CRHR1: variants seen among roughly 807,000 people sequenced by gnomAD.
The protein encoded by CRHR1 is corticotropin-releasing hormone receptor 1.
CRHR1 carries 28 observed loss-of-function variants against 56.0 expected under a neutral mutation model. The observed-to-expected ratio is 0.50, with a 90% CI of 0.37 to 0.69. The LOEUF (loss-of-function observed/expected upper bound fraction) is 0.69. Among genes scored for constraint, CRHR1 ranks in the 30% least tolerant of loss-of-function variants. CRHR1 has a pLI of 0.00. For synonymous variants in CRHR1, 195 were observed against 216.5 expected (o/e 0.90, Z 0.87); for missense variants, 376 against 548.0 (o/e 0.69, Z 3.13).
chr17:45,806,585 C>A (rs1023830802), intron 1 of CRHR1, among the ~76,000 whole-genome samples: 1 of 152,110 alleles, frequency 6.6e-6, no homozygotes, highest in Non-Finnish European at 1.5e-5. Flanking sequence ...ATGTCAGCGG[C>A]CATGGTGGTC....
In CRHR1 at chr17:45,830,221, C is replaced by A; in HGVS notation, c.555+7C>A. On this transcript the variant is annotated splice_region_variant and intron_variant, in intron 6 of 12. Coordinates refer to ENST00000314537, the MANE Select transcript of CRHR1 (RefSeq NM_004382.5). Reference sequence around the variant, plus strand: ...GGTCCACCAGAGCAACGTGGTACGTCCTGGCAGGGGAGCGGGGAGCAGGTC... The same window carrying A: ...GGTCCACCAGAGCAACGTGGTACGTACTGGCAGGGGAGCGGGGAGCAGGTC... 1 of 1,613,994 alleles carries A rather than the reference C, an allele frequency of 6.2e-7. No homozygotes were observed. Among genetic ancestry groups the A allele is most frequent in the Non-Finnish European group, 8.5e-7 (1 of 1,179,984 alleles).
chr17:45,787,712 C>T (rs2061360069), intron 1 of CRHR1, among the ~76,000 whole-genome samples: 1 of 152,244 alleles, frequency 6.6e-6, no homozygotes, highest in South Asian at 2.1e-4. Flanking sequence ...TGCATGTTGC[C>T]TGTGAGTGAA....
At chr17:45,797,831 G>A (rs2061549092) in intron 1 of CRHR1, among the ~76,000 whole-genome samples, 2 of 152,142 alleles carry the variant, frequency 1.3e-5, no homozygotes, top group Admixed American at 1.3e-4. Flanking sequence ...GACCTGGAAA[G>A]GAATGTAGAG....
intron 4 of CRHR1, among the ~76,000 whole-genome samples, chr17:45,822,849 TA>T (rs56284150): frequency 7.5e-4 from 98 of 131,226 alleles, no homozygotes; most frequent in East Asian, 4.1e-3. Context: ...GAAATTCCAT[TA>T]AAAAAAAAAG....
intron 4 of CRHR1, 30 bp downstream of exon 4, chr17:45,821,470 A>G (rs764917642): frequency 1.9e-6 from 3 of 1,597,322 alleles, no homozygotes; most frequent in South Asian, 1.1e-5. Flanking sequence ...GGCTGCCCAT[A>G]TGGAGGGGAG....
At chr17:45,815,428 T>A (rs2061907782) in intron 2 of CRHR1, among the ~76,000 whole-genome samples, 2 of 152,202 alleles carry the variant, frequency 1.3e-5, no homozygotes, top group Admixed American at 6.5e-5. Context: ...TCGCGTGCTC[T>A]CTCTCTCTCC....
intron 4 of CRHR1, among the ~76,000 whole-genome samples, chr17:45,821,679 G>T (rs140383798): frequency 6.6e-6 from 1 of 152,344 alleles, no homozygotes; most frequent in African/African-American, 2.4e-5. Flanking sequence ...ATGGGTCCTT[G>T]TTCCTTCCTT....
chr17:45,817,166 A>C (rs2061946017), intron 3 of CRHR1, among the ~76,000 whole-genome samples: 1 of 152,158 alleles, frequency 6.6e-6, no homozygotes, highest in South Asian at 2.1e-4. Context: ...ATCCTCATGT[A>C]AACACCTGGC....
intron 4 of CRHR1, among the ~76,000 whole-genome samples, chr17:45,828,428 C>T (rs568350612): frequency 1.6e-4 from 24 of 152,322 alleles, no homozygotes; most frequent in South Asian, 6.2e-4. Context: ...TGGTTTAAGA[C>T]GATAACAGAT....
rs2143124405 is a variant in CRHR1 at position 45,821,437 on chromosome 17, G to T, written c.324G>T (p.Glu108Asp). 6.2e-7 allele frequency: 1 copy of T among 1,612,348 alleles called. No individual in the cohort carries two copies. Among genetic ancestry groups the T allele is most frequent in the Non-Finnish European group, 8.5e-7 (1 of 1,180,014 alleles). The change falls in exon 4 of 13, where the codon GAG (glutamate) becomes GAT (aspartate). Residue 108 changes from glutamate (E) to aspartate (D), a missense_variant. By Grantham distance (45) the Glu-to-Asp change is conservative. Around this residue, in one of 2 missense-constraint regions of CRHR1, gnomAD observed 369 missense variants for 519.5 expected, o/e 0.71. Transcript: ENST00000314537. ...NYSECQEILN[E>D]EKKSKVHYHV... is the part of the protein sequence containing the mutation. Reference sequence around the variant, plus strand: ...CCGAGTGCCAGGAGATCCTCAATGAGGAGGTGAGGCTGAGCCGAACAAGGC... The same window carrying T: ...CCGAGTGCCAGGAGATCCTCAATGATGAGGTGAGGCTGAGCCGAACAAGGC...
intron 2 of CRHR1, among the ~76,000 whole-genome samples, chr17:45,810,385 G>A (rs779927624): frequency 1.2e-4 from 19 of 152,154 alleles, no homozygotes; most frequent in Admixed American, 4.6e-4. Flanking sequence ...TTACAATACT[G>A]TAGTCAGGAA....
At position 45,833,607 on chromosome 17, in the gene CRHR1, A is replaced by C. The variant is rs964827923; in HGVS notation, c.929+70A>C. On this transcript the variant is annotated intron_variant, in intron 10 of 12. Transcript: ENST00000314537. ...CTGCTCCCCATGCCTCTCACGTGCC[A>C]GAGACCTGCCACTCCCTCCCCCGAC... is the stretch of plus-strand genomic sequence containing the variant. 3 of 1,586,730 alleles carry C rather than the reference A, an allele frequency of 1.9e-6. No individual in the cohort carries two copies. The Admixed American group carries it at 5.1e-5, about 27-fold the overall frequency.
At chr17:45,832,156 C>T (rs1176000448) in intron 8 of CRHR1, among the ~76,000 whole-genome samples, 1 of 152,144 alleles carries the variant, frequency 6.6e-6, no homozygotes, top group Non-Finnish European at 1.5e-5. Flanking sequence ...CTCTTGAACC[C>T]AGGAGGCAGA....
At chr17:45,819,290 C>A (rs1001980647) in intron 3 of CRHR1, among the ~76,000 whole-genome samples, 1 of 152,252 alleles carries the variant, frequency 6.6e-6, no homozygotes, top group African/African-American at 2.4e-5. Flanking sequence ...GATGCTCTCA[C>A]TTACAGAGGA....
chr17:45,827,307 C>T (rs62057155), intron 4 of CRHR1, among the ~76,000 whole-genome samples: 21,827 of 152,272 alleles, frequency 0.14, 2,143 homozygotes, highest in Middle Eastern at 0.22. Context: ...GGTCTCCCTG[C>T]ACACTGCGCT....
chr17:45,826,119 G>C (rs62057148), intron 4 of CRHR1: 21,864 of 152,424 alleles, frequency 0.14, 2,143 homozygotes, highest in Non-Finnish European at 0.22. Context: ...GTCAGGGCCC[G>C]AGGGGTAGCT....
intron 2 of CRHR1, among the ~76,000 whole-genome samples, chr17:45,814,468 G>T (rs182672097): frequency 4.5e-4 from 68 of 152,324 alleles, no homozygotes; most frequent in Non-Finnish European, 4.4e-5. Flanking sequence ...CATGACCTTG[G>T]AAAAGTCACC....
intron 3 of CRHR1, among the ~76,000 whole-genome samples, chr17:45,817,854 C>T (rs575920277): frequency 1.3e-5 from 2 of 152,218 alleles, no homozygotes; most frequent in Admixed American, 1.3e-4. Context: ...AGAAGGGCCT[C>T]TTGGCCAGGT....
chr17:45,833,764 A>G lies in CRHR1; in HGVS notation c.980A>G (p.Tyr327Cys), dbSNP rs2062374093. ...LVLLPLLGIT[Y>C]MLFFVNPGED... The stretch of plus-strand genomic sequence containing the variant: ...CTGCTGCCCCTCCTGGGCATCACCT[A>G]CATGCTGTTCTTCGTCAATCCCGGG... Residue 327 changes from tyrosine (Y) to cysteine (C), a missense_variant, in exon 11 of 13, where the codon TAC (tyrosine) becomes TGC (cysteine). Transcript: ENST00000314537. 6 of 1,605,152 alleles carry G rather than the reference A, an allele frequency of 3.7e-6. No homozygotes were observed. Among genetic ancestry groups the G allele is most frequent in the Non-Finnish European group, 5.1e-6 (6 of 1,176,554 alleles).
Sources: allele counts gnomAD v4.1 joint callset (sites outside exome capture counted in the v4.1 genomes callset), GRCh38; gene constraint gnomAD v4.1.1; regional missense constraint gnomAD v4.1.1; transcripts MANE v1.5; gene names NCBI Gene and HGNC (gene_info 2026-07-23, HGNC 2026-07-21).